HPSE2: variants seen among roughly 807,000 people sequenced by gnomAD.
The protein encoded by HPSE2 is inactive heparanase-2.
In HPSE2, 38 loss-of-function variants were observed where a neutral mutation model predicts 60.5. That is an observed-to-expected ratio of 0.63 (90% CI 0.48 to 0.82). The LOEUF (loss-of-function observed/expected upper bound fraction) is 0.82, where lower values mean the gene tolerates loss of function less well. Among genes scored for constraint, HPSE2 ranks in the 40% least tolerant of loss-of-function variants. The probability of loss-of-function intolerance (pLI) is 0.00; values close to 1 mark genes in which losing one functional copy is unlikely to be tolerated. For synonymous variants in HPSE2, 295 were observed against 293.2 expected, an observed-to-expected ratio of 1.01 and a Z score of -0.06; for missense variants, 713 against 740.4, an observed-to-expected ratio of 0.96 and a Z score of 0.43.
At chr10:99,017,546 A>G (rs1330124059) in intron 3 of HPSE2, among the ~76,000 whole-genome samples, 1 of 152,140 alleles carries the variant, frequency 6.6e-6, no homozygotes, top group Non-Finnish European at 1.5e-5. Flanking sequence ...TTATAGAATG[A>G]GTTAGGGAGG....
chr10:98,823,033 T>C (rs947795680), intron 3 of HPSE2, among the ~76,000 whole-genome samples: 5 of 152,100 alleles, frequency 3.3e-5, no homozygotes, highest in African/African-American at 1.2e-4. Flanking sequence ...GGAGGCAATG[T>C]GACAAAAGCA....
chr10:98,528,431 G>A (rs2133793561), intron 9 of HPSE2, among the ~76,000 whole-genome samples: 1 of 152,226 alleles, frequency 6.6e-6, no homozygotes, highest in African/African-American at 2.4e-5. Flanking sequence ...AGTTTTAGAG[G>A]GCATTTCCGG....
chr10:98,478,399 A>G (rs1714521718), intron 11 of HPSE2, among the ~76,000 whole-genome samples: 1 of 152,058 alleles, frequency 6.6e-6, no homozygotes, highest in African/African-American at 2.4e-5. Context: ...AAGAGGAAAC[A>G]GGGGGAATGG....
chr10:98,725,091 C>T (rs555180240), intron 4 of HPSE2, among the ~76,000 whole-genome samples: 2 of 152,096 alleles, frequency 1.3e-5, no homozygotes, highest in East Asian at 1.9e-4. Flanking sequence ...TCAATACCAT[C>T]CCCATCAAGC....
chr10:98,943,343 T>G (rs1955077726), intron 3 of HPSE2, among the ~76,000 whole-genome samples: 1 of 152,000 alleles, frequency 6.6e-6, no homozygotes, highest in Non-Finnish European at 1.5e-5. Context: ...ATTGAGTATC[T>G]TTTAATATTA....
At chr10:99,117,738 C>CA (rs1305072645) in intron 3 of HPSE2, among the ~76,000 whole-genome samples, 4 of 151,874 alleles carry the variant, frequency 2.6e-5, no homozygotes, top group African/African-American at 4.8e-5. Context: ...CCTAACACCC[C>CA]AAAAAAGCCC....
intron 3 of HPSE2, among the ~76,000 whole-genome samples, chr10:99,118,718 A>C (rs1378848059): frequency 4.0e-5 from 6 of 151,814 alleles, no homozygotes; most frequent in Admixed American, 3.3e-4. Context: ...CAAGAGAAAG[A>C]AATAAAGGGC....
the HPSE2 span, among the ~76,000 whole-genome samples, chr10:99,304,677 A>G: frequency 6.6e-6 from 1 of 152,252 alleles, no homozygotes; most frequent in Non-Finnish European, 1.5e-5. Context: ...GTAAGGGTCT[A>G]AAGTGCTTTC....
At chr10:98,975,473 G>C (rs1236205401) in intron 3 of HPSE2, among the ~76,000 whole-genome samples, 2 of 151,092 alleles carry the variant, frequency 1.3e-5, no homozygotes, top group Non-Finnish European at 3.0e-5. Context: ...ATGTGTTCTG[G>C]TATTGTTTGG....
At chr10:98,461,518 A>G (rs1940289579) in intron 11 of HPSE2, among the ~76,000 whole-genome samples, 1 of 152,228 alleles carries the variant, frequency 6.6e-6, no homozygotes, top group African/African-American at 2.4e-5. Flanking sequence ...ATTGGAGTGG[A>G]AGGCAGGGTG....
At chr10:98,488,514 C>T (rs976169750) in intron 10 of HPSE2, among the ~76,000 whole-genome samples, 16 of 152,170 alleles carry the variant, frequency 1.1e-4, no homozygotes, top group African/African-American at 3.6e-4. Flanking sequence ...CTCGAGATCA[C>T]GTGAGGAGGC....
intron 3 of HPSE2, among the ~76,000 whole-genome samples, chr10:98,788,660 T>C (rs1007102695): frequency 3.3e-5 from 5 of 152,206 alleles, no homozygotes; most frequent in Non-Finnish European, 7.3e-5. Flanking sequence ...CGCTGTTTCT[T>C]AAGCCGGTCT....
chr10:98,505,088 A>G (rs1228540935), intron 9 of HPSE2, among the ~76,000 whole-genome samples: 2 of 152,284 alleles, frequency 1.3e-5, no homozygotes, highest in Non-Finnish European at 2.9e-5. Flanking sequence ...CAATTTATTT[A>G]TCTATTCTCC....
At chr10:98,704,259 G>A (rs1948486512) in intron 5 of HPSE2, among the ~76,000 whole-genome samples, 2 of 152,134 alleles carry the variant, frequency 1.3e-5, no homozygotes, top group East Asian at 1.9e-4. Flanking sequence ...AAAATCAGAG[G>A]ACACAAACAA....
the HPSE2 span, among the ~76,000 whole-genome samples, chr10:99,290,589 G>A: frequency 7.9e-6 from 1 of 126,866 alleles, no homozygotes; most frequent in South Asian, 3.0e-4. Context: ...AGACCAGGTG[G>A]TTCTTATGTT....
chr10:99,030,252 C>A (rs919695225), intron 3 of HPSE2, among the ~76,000 whole-genome samples: 10 of 152,156 alleles, frequency 6.6e-5, no homozygotes, highest in Non-Finnish European at 1.3e-4. Context: ...TTTTATTATA[C>A]TGGAACAGCT....
chr10:98,922,592 T>C (rs951765374), intron 3 of HPSE2, among the ~76,000 whole-genome samples: 1 of 152,174 alleles, frequency 6.6e-6, no homozygotes, highest in Non-Finnish European at 1.5e-5. Flanking sequence ...GTGGAATTAA[T>C]TTTCTGGCAA....
chr10:99,131,491 G>GTATA (rs113767647), intron 3 of HPSE2, among the ~76,000 whole-genome samples: 1 of 151,014 alleles, frequency 6.6e-6, no homozygotes, highest in Non-Finnish European at 1.5e-5. Flanking sequence ...TTATATATGT[G>GTATA]TATATATATA....
intron 9 of HPSE2, among the ~76,000 whole-genome samples, chr10:98,592,131 G>C (rs1305130081): frequency 6.6e-6 from 1 of 152,200 alleles, no homozygotes; most frequent in Non-Finnish European, 1.5e-5. Flanking sequence ...GACTGCTACA[G>C]TCTTGACTTT....
Sources: gnomAD v4.1 joint callset for allele counts (sites outside exome capture counted in the v4.1 genomes callset) on GRCh38, gnomAD v4.1.1 for gene constraint, MANE v1.5 for transcripts, NCBI Gene and HGNC (gene_info 2026-07-23, HGNC 2026-07-21) for gene names.